The following CTNNA2 variants were observed in gnomAD, a reference collection of about 807,000 sequenced individuals.
CTNNA2 encodes catenin alpha 2.
CTNNA2 carries 42 observed loss-of-function variants against 101.0 expected under a neutral mutation model. That is an observed-to-expected ratio of 0.42 (90% CI 0.32 to 0.54). The LOEUF is 0.54. Among genes scored for constraint, CTNNA2 ranks in the 20% least tolerant of loss-of-function variants. The pLI, the probability that CTNNA2 is intolerant of heterozygous loss-of-function variation, is 0.14. For missense variants in CTNNA2, 871 were observed against 1,223.1 expected (o/e 0.71, Z 4.29); for synonymous variants, 450 against 456.4 (o/e 0.99, Z 0.18).
chr2:80,094,635 T>C (rs1700025042), intron 7 of CTNNA2, among the ~76,000 whole-genome samples: 1 of 152,220 alleles, frequency 6.6e-6, no homozygotes. Flanking sequence ...TTCCTACCCA[T>C]GAGCATGGAA....
chr2:79,812,429 C>T (rs1269487542), intron 3 of CTNNA2, among the ~76,000 whole-genome samples: 3 of 152,104 alleles, frequency 2.0e-5, no homozygotes, highest in Non-Finnish European at 2.9e-5. Context: ...TGAGGAGTCA[C>T]TAGCCTGAAA....
At chr2:79,461,996 G>A (rs1464200727) in intron 4 of CTNNA2, among the ~76,000 whole-genome samples, 1 of 151,850 alleles carries the variant, frequency 6.6e-6, no homozygotes, top group Non-Finnish European at 1.5e-5. Flanking sequence ...ATTCATACAG[G>A]CAAATGTACA....
chr2:80,380,099 C>T (rs1043007777), intron 7 of CTNNA2, among the ~76,000 whole-genome samples: 9 of 141,814 alleles, frequency 6.3e-5, no homozygotes, highest in Non-Finnish European at 1.0e-4. Context: ...TGCAGTGGCA[C>T]GATCTCGGCT....
At chr2:79,910,718 T>C (rs951192697) in intron 7 of CTNNA2, among the ~76,000 whole-genome samples, 3 of 152,192 alleles carry the variant, frequency 2.0e-5, no homozygotes, top group Non-Finnish European at 4.4e-5. Flanking sequence ...TCACAGCTAC[T>C]GAAGTCCATG....
At chr2:79,329,550 C>G (rs368709806) in intron 3 of CTNNA2, among the ~76,000 whole-genome samples, 1 of 152,134 alleles carries the variant, frequency 6.6e-6, no homozygotes, top group East Asian at 1.9e-4. Context: ...TGCACACCTA[C>G]ACTGGTGTGC....
intron 7 of CTNNA2, among the ~76,000 whole-genome samples, chr2:80,364,678 G>A (rs1435623286): frequency 1.3e-5 from 2 of 149,728 alleles, no homozygotes; most frequent in African/African-American, 4.9e-5. Flanking sequence ...CCTCACCCCA[G>A]GTAATTGATG....
At chr2:79,398,688 T>A (rs1678257043) in intron 4 of CTNNA2, among the ~76,000 whole-genome samples, 1 of 151,900 alleles carries the variant, frequency 6.6e-6, no homozygotes, top group Admixed American at 6.6e-5. Context: ...CAGGTTCAAC[T>A]ATTGGAATGG....
intron 2 of CTNNA2, among the ~76,000 whole-genome samples, chr2:79,697,281 C>A (rs1441119782): frequency 2.6e-5 from 4 of 151,956 alleles, no homozygotes; most frequent in South Asian, 2.1e-4. Flanking sequence ...GTAGAGCTGC[C>A]GTCTGAAGTC....
intron 2 of CTNNA2, among the ~76,000 whole-genome samples, chr2:79,676,925 G>T (rs769680110): frequency 1.3e-5 from 2 of 152,036 alleles, no homozygotes; most frequent in Non-Finnish European, 2.9e-5. Flanking sequence ...TTTGTGGGAA[G>T]TGCTATTCCC....
At chr2:79,630,917 A>T (rs1679648056) in intron 1 of CTNNA2, among the ~76,000 whole-genome samples, 1 of 151,932 alleles carries the variant, frequency 6.6e-6, no homozygotes, top group East Asian at 1.9e-4. Context: ...GCATACATAG[A>T]TAAGGTATGA....
intron 3 of CTNNA2, among the ~76,000 whole-genome samples, chr2:79,750,554 T>C (rs1671955919): frequency 6.6e-6 from 1 of 152,232 alleles, no homozygotes; most frequent in South Asian, 2.1e-4. Context: ...TATGAGCTTA[T>C]TGTTTACTTA....
chr2:80,103,487 A>G (rs1201950065), intron 7 of CTNNA2, among the ~76,000 whole-genome samples: 2 of 152,162 alleles, frequency 1.3e-5, no homozygotes, highest in Admixed American at 6.5e-5. Flanking sequence ...GGGCTTCAAC[A>G]TATGAATTCC....
intron 7 of CTNNA2, among the ~76,000 whole-genome samples, chr2:80,134,021 C>G (rs1437664830): frequency 6.6e-6 from 1 of 152,140 alleles, no homozygotes; most frequent in African/African-American, 2.4e-5. Context: ...GAGTACGTGA[C>G]AATGACTGGC....
intron 7 of CTNNA2, among the ~76,000 whole-genome samples, chr2:80,100,933 T>C (rs1700504644): frequency 6.6e-6 from 1 of 152,232 alleles, no homozygotes; most frequent in Admixed American, 6.5e-5. Flanking sequence ...AGGAGTCTGC[T>C]AAGTCTTCAT....
intron 9 of CTNNA2, among the ~76,000 whole-genome samples, chr2:80,534,942 A>C (rs747579431): frequency 1.3e-5 from 2 of 152,202 alleles, no homozygotes; most frequent in Non-Finnish European, 2.9e-5. Context: ...TAATTTACCA[A>C]ACAATGAGGC....
At chr2:79,663,328 C>T (rs10203871) in intron 2 of CTNNA2, among the ~76,000 whole-genome samples, 1 of 152,032 alleles carries the variant, frequency 6.6e-6, no homozygotes, top group African/African-American at 2.4e-5. Flanking sequence ...TCATGTCATT[C>T]TCTTAAGAAT....
chr2:79,337,462 A>G (rs185675424), intron 3 of CTNNA2, among the ~76,000 whole-genome samples: 1 of 152,332 alleles, frequency 6.6e-6, no homozygotes. Context: ...TCACAGCATT[A>G]CTAGCATTTT....
intron 3 of CTNNA2, chr2:79,339,743 C>G (rs1321586774): frequency 6.6e-6 from 1 of 152,100 alleles, no homozygotes; most frequent in Non-Finnish European, 1.5e-5. Flanking sequence ...AGAGTGCTGC[C>G]CCACGCTGCC....
At chr2:80,001,857 C>G (rs1692973952) in intron 7 of CTNNA2, among the ~76,000 whole-genome samples, 1 of 152,170 alleles carries the variant, frequency 6.6e-6, no homozygotes, top group South Asian at 2.1e-4. Flanking sequence ...GTGTGCTATT[C>G]TAGCTTTTTG....
Sources: gnomAD v4.1 joint callset for allele counts (sites outside exome capture counted in the v4.1 genomes callset) on GRCh38, gnomAD v4.1.1 for gene constraint, MANE v1.5 for transcripts, NCBI Gene and HGNC (gene_info 2026-07-23, HGNC 2026-07-21) for gene names.